The following CPA4 variants were observed in gnomAD, a reference collection of about 807,000 sequenced individuals.
CPA4 encodes carboxypeptidase A4.
Under a neutral mutation model 54.7 loss-of-function variants are expected in CPA4, and 49 were observed. That is an observed-to-expected ratio of 0.90 (90% confidence interval 0.71 to 1.14). The LOEUF is 1.14. CPA4 is among the 50% of genes most tolerant of loss of function. The pLI is 0.00. For missense variants in CPA4, 487 were observed against 525.1 expected, an observed-to-expected ratio of 0.93 and a Z score of 0.71; for synonymous variants, 215 against 206.8, an observed-to-expected ratio of 1.04 and a Z score of -0.34.
chr7:130,294,228 G>A (rs1312518277), intron 1 of CPA4, among the ~76,000 whole-genome samples: 2 of 152,170 alleles, frequency 1.3e-5, no homozygotes, highest in Non-Finnish European at 2.9e-5. Flanking sequence ...CGTAAAACTC[G>A]TACCCTTTTG....
At chr7:130,297,196 C>T (rs962604651) in intron 1 of CPA4, among the ~76,000 whole-genome samples, 18 of 152,186 alleles carry the variant, frequency 1.2e-4, no homozygotes, top group African/African-American at 4.3e-4. Context: ...CTCAAGCAAT[C>T]CTCTCACCTT....
chr7:130,302,737 T>A (rs913991200), intron 4 of CPA4, among the ~76,000 whole-genome samples: 27 of 152,150 alleles, frequency 1.8e-4, no homozygotes, highest in African/African-American at 6.5e-4. Flanking sequence ...TTTCCTCCAC[T>A]CCCTAGGGTC....
chr7:130,309,711 T>C (rs1219275218), intron 8 of CPA4, among the ~76,000 whole-genome samples: 1 of 152,198 alleles, frequency 6.6e-6, no homozygotes, highest in Non-Finnish European at 1.5e-5. Flanking sequence ...CAGCTTCCAA[T>C]TTCAAATCCA....
chr7:130,303,361 T>A (rs1793768100), intron 4 of CPA4, among the ~76,000 whole-genome samples: 1 of 152,216 alleles, frequency 6.6e-6, no homozygotes, highest in African/African-American at 2.4e-5. Flanking sequence ...GGGGGGCACA[T>A]GTATCCACAG....
At chr7:130,318,384 G>A (rs978863115) in intron 10 of CPA4, among the ~76,000 whole-genome samples, 1 of 152,184 alleles carries the variant, frequency 6.6e-6, no homozygotes, top group African/African-American at 2.4e-5. Flanking sequence ...CCCGAGGGCT[G>A]TCCAGGAGAC....
At chr7:130,303,158 C>T (rs1793765531) in intron 4 of CPA4, among the ~76,000 whole-genome samples, 3 of 152,172 alleles carry the variant, frequency 2.0e-5, no homozygotes, top group Admixed American at 6.5e-5. Context: ...TGTATAGTTC[C>T]TTCTTCCAGT....
At chr7:130,321,678 A>G (rs1475016354) in intron 10 of CPA4, among the ~76,000 whole-genome samples, 1 of 152,200 alleles carries the variant, frequency 6.6e-6, no homozygotes, top group East Asian at 1.9e-4. Flanking sequence ...CATGTCTTAC[A>G]TGGTAGCAGG....
At position 130,310,704 on chromosome 7, in the gene CPA4, C is replaced by T. The variant is rs1562931170; in HGVS notation, c.794-83C>T. The T allele has an allele frequency of 1.3e-5, 17 of 1,308,948 alleles. No individual in the cohort carries two copies. Among genetic ancestry groups the T allele is most frequent in the South Asian group, 1.1e-4 (9 of 81,658 alleles). 81.1% of individuals were successfully genotyped at this position (1,308,948 alleles called of 1,614,324 possible). A position where few individuals can be genotyped will look rare whatever the true frequency, so the allele number is the denominator to read the frequency against. On this transcript the variant is annotated intron_variant, in intron 8 of 10. Transcript: ENST00000222482. This position sits in a 1 kb window ranked among gnomAD's most constrained non-coding sequence, Gnocchi z 4.3. ...ATGGCCTGCCCATTCCCAATACCTTCGGCCCCTCTCTAGGTGGAGCGTCTT... is the reference window on the plus strand; with the variant it reads ...ATGGCCTGCCCATTCCCAATACCTTTGGCCCCTCTCTAGGTGGAGCGTCTT...
intron 1 of CPA4, among the ~76,000 whole-genome samples, chr7:130,293,950 G>T (rs914545065): frequency 1.3e-5 from 2 of 152,170 alleles, no homozygotes; most frequent in Admixed American, 6.5e-5. Context: ...TTTGAGGTTT[G>T]CAGGGGAGAG....
Position 130,300,531 on chromosome 7 carries a change from T to C in CPA4, c.286-285T>C, listed in dbSNP as rs999510719. Among the ~76,000 whole-genome samples the C allele has an allele frequency of 2.6e-5, 4 of 151,886 alleles. No individual in the cohort carries two copies. In the East Asian group the frequency reaches 7.7e-4, roughly 29 times the overall value. ...TTGTATTTTTAGTAGAGACAGGGTC[T>C]CACCATGTTGGCCAGGATGGTCTCG... On this transcript the variant is annotated intron_variant, in intron 3 of 10. Coordinates refer to ENST00000222482, the MANE Select transcript of CPA4 (RefSeq NM_016352.4).
intron 9 of CPA4, among the ~76,000 whole-genome samples, chr7:130,311,602 C>G (rs990204927): frequency 3.3e-5 from 5 of 152,004 alleles, no homozygotes; most frequent in African/African-American, 1.2e-4. Context: ...CTCCTCCACT[C>G]TGCAACACCC....
rs192183539 is a variant in CPA4 at position 130,295,330 on chromosome 7, G to T, written c.68+2082G>T. On this transcript the variant is annotated intron_variant, in intron 1 of 10. Coordinates refer to ENST00000222482, the MANE Select transcript of CPA4 (RefSeq NM_016352.4). ...CAGACTCCTGTGAGGGTGAGGGAGT[G>T]GGAGTGCCAGCCATTGCAATGGCAG... 4.8e-3 allele frequency among the ~76,000 whole-genome samples: 738 copies of T among 152,312 alleles called. 4 individuals carry two copies. The highest frequency in any genetic ancestry group is 0.017 in the African/African-American group (695 of 41,576).
rs1794131027 is a variant in CPA4 at position 130,322,609 on chromosome 7, C to T, written c.1199C>T (p.Pro400Leu). Residue 400 changes from proline (P) to leucine (L), a missense_variant, in exon 11 of 11, where the codon CCC becomes CTC. Physicochemically the swap from Pro to Leu is moderately conservative, Grantham distance 98 (BLOSUM62 -3). Coordinates refer to ENST00000222482, the MANE Select transcript of CPA4 (RefSeq NM_016352.4). Reference protein sequence around the residue: ...GFLLPANQIIPTAEETWLGLK... With the variant: ...GFLLPANQIILTAEETWLGLK... ...CTCCTGCCAGCTAACCAGATCATCC[C>T]CACTGCAGAGGAGACGTGGCTGGGG... 3 of 1,614,106 alleles carry T rather than the reference C, an allele frequency of 1.9e-6. No individual in the cohort carries two copies. Among genetic ancestry groups the T allele is most frequent in the African/African-American group, 1.3e-5 (1 of 74,924 alleles).
intron 10 of CPA4, among the ~76,000 whole-genome samples, chr7:130,313,954 C>T (rs891914575): frequency 1.3e-5 from 2 of 152,174 alleles, no homozygotes; most frequent in Non-Finnish European, 2.9e-5. Flanking sequence ...CAGGGAGACA[C>T]CCACTATGGT....
chr7:130,298,199 G>C (rs1391825092), intron 1 of CPA4, among the ~76,000 whole-genome samples: 1 of 152,216 alleles, frequency 6.6e-6, no homozygotes, highest in Non-Finnish European at 1.5e-5. Context: ...CCAGCATGGA[G>C]ATGCTGTTTT....
At chr7:130,305,701 T>C (rs1793808324) in intron 5 of CPA4, 115 bp from the exon 6 acceptor site, 4 of 815,222 alleles carry the variant, frequency 4.9e-6, no homozygotes, top group Middle Eastern at 2.5e-4. Context: ...CTTAGGAACA[T>C]TTGATCTCTG....
At chr7:130,307,233 TGAC>T (rs1178089319) in intron 7 of CPA4, among the ~76,000 whole-genome samples, 1 of 139,612 alleles carries the variant, frequency 7.2e-6, no homozygotes, top group African/African-American at 2.7e-5. Flanking sequence ...CATCTCTAAC[TGAC>T]GATAGAAAAA....
chr7:130,315,096 A>G (rs1400853001), intron 10 of CPA4, among the ~76,000 whole-genome samples: 1 of 151,672 alleles, frequency 6.6e-6, no homozygotes, highest in Non-Finnish European at 1.5e-5. Context: ...GGTCCCTTCC[A>G]CTTAGGTGTG....
At chr7:130,312,217 C>A in intron 10 of CPA4, 95 bp downstream of exon 10, 1 of 879,710 alleles carries the variant, frequency 1.1e-6, no homozygotes, top group South Asian at 1.4e-5. Context: ...ACTTACTTGT[C>A]ATCTGATTGT....
Sources: allele counts gnomAD v4.1 joint callset (sites outside exome capture counted in the v4.1 genomes callset), GRCh38; gene constraint gnomAD v4.1.1; non-coding constraint Gnocchi (gnomAD v3.1); transcripts MANE v1.5; gene names NCBI Gene and HGNC (gene_info 2026-07-23, HGNC 2026-07-21).